IKZF1: variants seen among roughly 807,000 people sequenced by gnomAD.
IKZF1 encodes DNA-binding protein Ikaros.
Under a neutral mutation model 51.7 loss-of-function variants are expected in IKZF1, and 10 were observed. That is an observed-to-expected ratio of 0.19 (90% confidence interval 0.12 to 0.33). The LOEUF (loss-of-function observed/expected upper bound fraction) is 0.33, where lower values mean the gene tolerates loss of function less well. Among genes scored for constraint, IKZF1 ranks in the 10% least tolerant of loss-of-function variants. The probability of loss-of-function intolerance (pLI) is 1.00; values close to 1 mark genes in which losing one functional copy is unlikely to be tolerated. For synonymous variants in IKZF1, 280 were observed against 282.3 expected (o/e 0.99, Z 0.08); for missense variants, 484 against 707.5 (o/e 0.68, Z 3.58).
At position 50,402,891 on chromosome 7, in the gene IKZF1, G is replaced by A. The variant is rs1403560798; in HGVS notation, c.*2264G>A. 1 of 229,482 alleles carries A rather than the reference G, an allele frequency of 4.4e-6. No individual in the cohort carries two copies. Among genetic ancestry groups the A allele is most frequent in the Non-Finnish European group, 8.6e-6 (1 of 115,656 alleles). The allele number at this position is 229,482 out of a possible 1,614,324, so 14.2% of individuals were successfully genotyped here. On this transcript the variant is annotated 3_prime_UTR_variant, in exon 8 of 8. Coordinates refer to ENST00000331340, the MANE Select transcript of IKZF1 (RefSeq NM_006060.6). The stretch of plus-strand genomic sequence containing the variant: ...AGCACTCCTTCAATATGCAATCACA[G>A]AGAAAGATGCGCCTTATCCAAGTTA...
intron 3 of IKZF1, chr7:50,368,259 G>T (rs148745500): frequency 1.4e-6 from 1 of 703,184 alleles, no homozygotes; most frequent in African/African-American, 1.7e-5. Flanking sequence ...GCAGTTGTGC[G>T]GTGTCCTGGG....
chr7:50,341,516 C>G (rs1428912293), intron 3 of IKZF1, among the ~76,000 whole-genome samples: 1 of 152,030 alleles, frequency 6.6e-6, no homozygotes, highest in East Asian at 1.9e-4. Context: ...GACGCAACAA[C>G]GTTGAACAGT....
At chr7:50,396,762 G>T (rs900377695) in intron 7 of IKZF1, among the ~76,000 whole-genome samples, 53 of 152,186 alleles carry the variant, frequency 3.5e-4, no homozygotes, top group African/African-American at 1.3e-3. Flanking sequence ...GAGGAGTTTG[G>T]TGAGGCAAAG....
chr7:50,368,078 C>G (rs536336375), intron 3 of IKZF1: 8 of 703,094 alleles, frequency 1.1e-5, no homozygotes, highest in Non-Finnish European at 2.1e-5. Flanking sequence ...AAGTATATGC[C>G]TTGCTTCTGG....
At chr7:50,341,023 G>A (rs1798941025) in intron 3 of IKZF1, among the ~76,000 whole-genome samples, 2 of 151,962 alleles carry the variant, frequency 1.3e-5, no homozygotes, top group Admixed American at 6.6e-5. Context: ...TTTTATATGT[G>A]TTAGTTAATT....
intron 7 of IKZF1, among the ~76,000 whole-genome samples, chr7:50,393,657 C>T (rs1815855868): frequency 6.6e-6 from 1 of 152,296 alleles, no homozygotes. Flanking sequence ...ACCATGAGAA[C>T]GAGGGAGGCC....
intron 2 of IKZF1, among the ~76,000 whole-genome samples, chr7:50,324,437 C>G (rs759790686): frequency 6.6e-6 from 1 of 152,204 alleles, no homozygotes; most frequent in African/African-American, 2.4e-5. Flanking sequence ...TGACTCTTTA[C>G]TAGATGCCCC....
At chr7:50,309,933 C>T (rs1389329232) in intron 1 of IKZF1, among the ~76,000 whole-genome samples, 2 of 152,158 alleles carry the variant, frequency 1.3e-5, no homozygotes, top group African/African-American at 4.8e-5. Context: ...CTAGAGAGAG[C>T]CAGCAACCCC....
chr7:50,383,132 A>G (rs1562875898), intron 5 of IKZF1, among the ~76,000 whole-genome samples: 1 of 152,154 alleles, frequency 6.6e-6, no homozygotes, highest in Admixed American at 6.5e-5. Flanking sequence ...CACAGGTGTA[A>G]TGGATAGCTT....
chr7:50,369,540 C>G (rs1808026140), intron 3 of IKZF1: 1 of 398,650 alleles, frequency 2.5e-6, no homozygotes, highest in Non-Finnish European at 4.4e-6. Flanking sequence ...TTGTGACTAT[C>G]TTCTCACACA....
chr7:50,397,907 G>A (rs1195569105), intron 7 of IKZF1, among the ~76,000 whole-genome samples: 1 of 152,064 alleles, frequency 6.6e-6, no homozygotes, highest in Non-Finnish European at 1.5e-5. Context: ...ACCACCAGTA[G>A]ATGAAAACGA....
chr7:50,365,769 A>G (rs998650354), intron 3 of IKZF1, among the ~76,000 whole-genome samples: 1 of 152,240 alleles, frequency 6.6e-6, no homozygotes, highest in African/African-American at 2.4e-5. Context: ...CAATCCCATT[A>G]CTGCATATAT....
intron 3 of IKZF1, among the ~76,000 whole-genome samples, chr7:50,353,653 C>T (rs1433719959): frequency 6.6e-6 from 1 of 152,206 alleles, no homozygotes; most frequent in Middle Eastern, 3.2e-3. Context: ...AGCCCAGGGG[C>T]CAGTAGATGC....
chr7:50,404,585 T>G lies in IKZF1; in HGVS notation c.*3958T>G, dbSNP rs1402478901. On this transcript the variant is annotated 3_prime_UTR_variant, in exon 8 of 8. Transcript: ENST00000331340. ...AGCTGCAATACCACTTGGGAACACA[T>G]GTGGTGTCTTGATGTGGCCAGCGCA... The G allele has an allele frequency of 8.7e-6, 2 of 228,748 alleles. No individual in the cohort carries two copies. The highest frequency in any genetic ancestry group is 8.7e-6 in the Non-Finnish European group (1 of 115,232). 14.2% of individuals were successfully genotyped at this position (228,748 alleles called of 1,614,324 possible).
At chr7:50,333,009 A>G (rs1210045355) in intron 3 of IKZF1, among the ~76,000 whole-genome samples, 1 of 152,018 alleles carries the variant, frequency 6.6e-6, no homozygotes, top group African/African-American at 2.4e-5. Context: ...ACTGAGAGAT[A>G]GAAACTGAAT....
intron 1 of IKZF1, among the ~76,000 whole-genome samples, chr7:50,306,305 G>GA (rs993910900): frequency 7.9e-5 from 12 of 151,762 alleles, no homozygotes; most frequent in South Asian, 4.2e-4. Flanking sequence ...TTTTTTACAT[G>GA]AAAAAAAACG....
intron 1 of IKZF1, among the ~76,000 whole-genome samples, chr7:50,307,288 G>T (rs925002558): frequency 2.4e-4 from 36 of 151,712 alleles, no homozygotes; most frequent in Admixed American, 1.9e-3. Context: ...CTAATCTTTG[G>T]ACTTGTGAAA....
At chr7:50,355,719 C>T (rs1360248052) in intron 3 of IKZF1, among the ~76,000 whole-genome samples, 1 of 152,166 alleles carries the variant, frequency 6.6e-6, no homozygotes. Context: ...CAGCAGTTTC[C>T]TCTAAGAACA....
intron 2 of IKZF1, among the ~76,000 whole-genome samples, chr7:50,326,067 G>A (rs1394204359): frequency 6.6e-6 from 1 of 152,220 alleles, no homozygotes; most frequent in East Asian, 1.9e-4. Context: ...ATTCCCCAGA[G>A]CATAGGCTTG....
Sources: gnomAD v4.1 joint callset for allele counts (sites outside exome capture counted in the v4.1 genomes callset) on GRCh38, gnomAD v4.1.1 for gene constraint, MANE v1.5 for transcripts, NCBI Gene and HGNC (gene_info 2026-07-23, HGNC 2026-07-21) for gene names.